The following NRG3 variants were observed in gnomAD, a reference collection of about 807,000 sequenced individuals.
NRG3 encodes the protein neuregulin 3.
A neutral mutation model predicts 66.9 loss-of-function variants in NRG3; 31 were observed. That is an observed-to-expected ratio of 0.46 (90% CI 0.35 to 0.63). The LOEUF is 0.63. Ranked by LOEUF, NRG3 falls within the 20% of genes least tolerant of loss-of-function variation. NRG3 has a pLI of 0.00. For synonymous variants in NRG3, 393 were observed against 359.4 expected (o/e 1.09, Z -1.06); for missense variants, 910 against 878.9 (o/e 1.04, Z -0.45).
At chr10:82,964,547 A>G (rs887512857) in intron 6 of NRG3, among the ~76,000 whole-genome samples, 1 of 152,228 alleles carries the variant, frequency 6.6e-6, no homozygotes, top group African/African-American at 2.4e-5. Flanking sequence ...TTTGGTGTCC[A>G]TGCAAAAATT....
At chr10:82,966,572 CT>C (rs1392624661) in intron 6 of NRG3, among the ~76,000 whole-genome samples, 6 of 152,130 alleles carry the variant, frequency 3.9e-5, no homozygotes, top group Non-Finnish European at 8.8e-5. Flanking sequence ...CCCTTTTCTT[CT>C]CTCTCCTTTT....
chr10:82,773,131 G>T (rs1297046690), intron 3 of NRG3, among the ~76,000 whole-genome samples: 1 of 152,084 alleles, frequency 6.6e-6, no homozygotes, highest in African/African-American at 2.4e-5. Context: ...TCATATGGTT[G>T]TTCTGTTTTT....
chr10:82,774,543 C>G (rs965588889), intron 3 of NRG3, among the ~76,000 whole-genome samples: 2 of 151,906 alleles, frequency 1.3e-5, no homozygotes, highest in Non-Finnish European at 2.9e-5. Flanking sequence ...TCTAGGTTAT[C>G]AATATGTTAA....
At chr10:82,184,687 G>A (rs1180923389) in intron 1 of NRG3, among the ~76,000 whole-genome samples, 1 of 152,046 alleles carries the variant, frequency 6.6e-6, no homozygotes, top group East Asian at 1.9e-4. Flanking sequence ...TTGCCCAAAC[G>A]AAGAATGTGT....
At chr10:81,938,392 G>GT (rs532634075) in intron 1 of NRG3, among the ~76,000 whole-genome samples, 11,487 of 112,994 alleles carry the variant, frequency 0.1, 532 homozygotes, top group Non-Finnish European at 0.13. Context: ...GTGTGTGTGT[G>GT]TTTTTTTTTT....
At chr10:82,527,539 C>G (rs1846838215) in intron 2 of NRG3, among the ~76,000 whole-genome samples, 1 of 152,002 alleles carries the variant, frequency 6.6e-6, no homozygotes, top group South Asian at 2.1e-4. Flanking sequence ...TTATATTTGA[C>G]AAATAAGAAG....
intron 2 of NRG3, among the ~76,000 whole-genome samples, chr10:82,604,094 G>A (rs1208611001): frequency 6.6e-6 from 1 of 152,006 alleles, no homozygotes; most frequent in Non-Finnish European, 1.5e-5. Flanking sequence ...TTAATTATTT[G>A]TGGCATACAT....
intron 2 of NRG3, among the ~76,000 whole-genome samples, chr10:82,674,574 C>G (rs1406726207): frequency 1.3e-5 from 2 of 152,124 alleles, no homozygotes; most frequent in Non-Finnish European, 2.9e-5. Context: ...ATGATCCCAG[C>G]AAGGAATGAG....
intron 2 of NRG3, among the ~76,000 whole-genome samples, chr10:82,465,522 G>T (rs911620522): frequency 6.6e-6 from 1 of 152,162 alleles, no homozygotes; most frequent in Non-Finnish European, 1.5e-5. Flanking sequence ...AAGTCTGTCC[G>T]GCTGTGTACC....
At chr10:82,738,770 A>T (rs2058277344) in intron 3 of NRG3, 120 bp downstream of exon 3, 1 of 846,756 alleles carries the variant, frequency 1.2e-6, no homozygotes, top group South Asian at 1.5e-5. Context: ...GCTGCCAAGG[A>T]CAGAAGCTGA....
intron 1 of NRG3, among the ~76,000 whole-genome samples, chr10:82,300,835 C>G (rs1442731748): frequency 6.6e-6 from 1 of 152,040 alleles, no homozygotes; most frequent in Non-Finnish European, 1.5e-5. Context: ...CACAAAAACA[C>G]CTTTCAGCCT....
rs572101277 is a variant in NRG3, at chr10:82,210,062, C to G, written c.824-148677C>G. ...ATTATGTGTTTATCAAGAATACTCT[C>G]CTGAGAAAATTCATGAAATGAGAAG... is the stretch of plus-strand genomic sequence containing the variant. On this transcript the variant is annotated intron_variant, in intron 1 of 8. Transcript: ENST00000372141. Among the ~76,000 whole-genome samples the G allele has an allele frequency of 3.1e-4, 47 of 152,186 alleles. 1 individual carries two copies. Among genetic ancestry groups the G allele is most frequent in the Admixed American group, 2.6e-3 (39 of 15,264 alleles).
intron 2 of NRG3, among the ~76,000 whole-genome samples, chr10:82,524,345 C>T: frequency 6.6e-6 from 1 of 151,874 alleles, no homozygotes. Context: ...AAAATATATA[C>T]CATTATATGA....
intron 1 of NRG3, among the ~76,000 whole-genome samples, chr10:81,924,305 T>G (rs1846554795): frequency 6.6e-6 from 1 of 152,248 alleles, no homozygotes; most frequent in African/African-American, 2.4e-5. Flanking sequence ...TACTTTCTCA[T>G]TATATCCAAA....
At position 82,355,388 on chromosome 10, in the gene NRG3, T is replaced by C. The variant is rs79447071; in HGVS notation, c.824-3351T>C. On this transcript the variant is annotated intron_variant, in intron 1 of 8. Coordinates refer to ENST00000372141, the MANE Select transcript of NRG3 (RefSeq NM_001010848.4). The stretch of plus-strand genomic sequence containing the variant: ...TTACATTTTATTTTTGGCTCATTCT[T>C]ATTTATGTTCTATTTTATGTGTTTT... 2.9e-3 allele frequency among the ~76,000 whole-genome samples: 442 copies of C among 152,334 alleles called. 1 individual carries two copies. The highest frequency in any genetic ancestry group is 8.7e-3 in the African/African-American group (360 of 41,580).
intron 2 of NRG3, among the ~76,000 whole-genome samples, chr10:82,705,726 A>C (rs2056241069): frequency 6.7e-6 from 1 of 150,314 alleles, no homozygotes; most frequent in African/African-American, 2.4e-5. Context: ...GAACAAAGAA[A>C]AGGCAGTTTT....
intron 1 of NRG3, among the ~76,000 whole-genome samples, chr10:82,243,879 T>A (rs2077115840): frequency 6.6e-6 from 1 of 152,142 alleles, no homozygotes; most frequent in African/African-American, 2.4e-5. Flanking sequence ...TACGCAGGAT[T>A]TAGTGATATT....
chr10:82,008,003 T>C (rs2061439026), intron 1 of NRG3, among the ~76,000 whole-genome samples: 2 of 152,210 alleles, frequency 1.3e-5, no homozygotes, highest in South Asian at 4.1e-4. Context: ...AATTTTTTTA[T>C]TTTATTCAAC....
chr10:82,670,251 G>GT (rs1028235621), intron 2 of NRG3, among the ~76,000 whole-genome samples: 3 of 151,280 alleles, frequency 2.0e-5, no homozygotes, highest in Non-Finnish European at 2.9e-5. Flanking sequence ...TCACATCTCT[G>GT]TTTTTTTTCT....
Sources: allele counts gnomAD v4.1 joint callset (sites outside exome capture counted in the v4.1 genomes callset), GRCh38; gene constraint gnomAD v4.1.1; transcripts MANE v1.5; gene names NCBI Gene and HGNC (gene_info 2026-07-23, HGNC 2026-07-21).